The following CADM2 variants were observed in gnomAD, a reference collection of about 807,000 sequenced individuals.
CADM2 encodes the protein immunoglobulin superfamily member 4D.
In CADM2, 12 loss-of-function variants were observed where a neutral mutation model predicts 49.8. That is an observed-to-expected ratio of 0.24 (90% CI 0.15 to 0.39). The LOEUF is 0.39. Among genes scored for constraint, CADM2 ranks in the 10% least tolerant of loss-of-function variants. CADM2 has a pLI of 1.00. For missense variants in CADM2, 378 were observed against 492.3 expected (o/e 0.77, Z 2.20); for synonymous variants, 214 against 175.4 (o/e 1.22, Z -1.74).
intron 1 of CADM2, among the ~76,000 whole-genome samples, chr3:85,723,394 T>G (rs2067576786): frequency 6.6e-6 from 1 of 152,184 alleles, no homozygotes; most frequent in Admixed American, 6.5e-5. Flanking sequence ...ATGTGCACTT[T>G]ACAATTGACT....
chr3:86,060,981 CAAT>C (rs144216839), intron 8 of CADM2, among the ~76,000 whole-genome samples: 211 of 147,958 alleles, frequency 1.4e-3, no homozygotes, highest in South Asian at 3.2e-3. Flanking sequence ...GGCTATGTCT[CAAT>C]AATAATAATA....
intron 2 of CADM2, among the ~76,000 whole-genome samples, chr3:85,790,632 C>A (rs1055636365): frequency 1.3e-5 from 2 of 152,264 alleles, no homozygotes; most frequent in Admixed American, 1.3e-4. Context: ...GAGTTGGTAG[C>A]AGAATGGGCT....
chr3:85,478,997 A>G (rs921355111), intron 1 of CADM2, among the ~76,000 whole-genome samples: 4 of 151,800 alleles, frequency 2.6e-5, no homozygotes, highest in African/African-American at 9.7e-5. Flanking sequence ...CAGGCTGAGC[A>G]CATTGGTGTG....
intron 1 of CADM2, among the ~76,000 whole-genome samples, chr3:85,252,153 TG>T (rs1264731134): frequency 6.6e-6 from 1 of 152,028 alleles, no homozygotes; most frequent in Non-Finnish European, 1.5e-5. Flanking sequence ...TCTTTGTTTT[TG>T]TTCTTCTGAT....
chr3:86,036,680 T>C (rs1735203533), intron 8 of CADM2, among the ~76,000 whole-genome samples: 1 of 152,138 alleles, frequency 6.6e-6, no homozygotes, highest in Non-Finnish European at 1.5e-5. Context: ...ATAGTCAAGT[T>C]ACTCAGCCTC....
At chr3:85,181,738 T>G (rs974210041) in intron 1 of CADM2, among the ~76,000 whole-genome samples, 4 of 151,660 alleles carry the variant, frequency 2.6e-5, no homozygotes, top group Admixed American at 1.3e-4. Context: ...CACAGAGATT[T>G]TTTTCCCATT....
intron 1 of CADM2, among the ~76,000 whole-genome samples, chr3:85,063,999 A>G (rs957706517): frequency 6.6e-6 from 1 of 152,056 alleles, no homozygotes; most frequent in Non-Finnish European, 1.5e-5. Flanking sequence ...CTGCTTTTCT[A>G]CATCTCATGC....
chr3:85,416,578 A>G (rs539858112), intron 1 of CADM2, among the ~76,000 whole-genome samples: 9 of 152,284 alleles, frequency 5.9e-5, no homozygotes, highest in African/African-American at 2.2e-4. Context: ...TTTGTCCCTA[A>G]TGCCCCCACT....
intron 1 of CADM2, among the ~76,000 whole-genome samples, chr3:85,552,366 G>GTTTTTTT (rs36014885): frequency 3.4e-5 from 3 of 87,574 alleles, no homozygotes; most frequent in African/African-American, 4.6e-5. Context: ...ACTTTGAAAA[G>GTTTTTTT]TTTTTTTTTT....
chr3:85,945,093 G>A (rs1268609762), intron 7 of CADM2, among the ~76,000 whole-genome samples: 1 of 151,850 alleles, frequency 6.6e-6, no homozygotes, highest in Non-Finnish European at 1.5e-5. Context: ...TGATAAAGGG[G>A]ATATCACCAC....
At chr3:85,679,087 A>G (rs966930271) in intron 1 of CADM2, among the ~76,000 whole-genome samples, 1 of 152,218 alleles carries the variant, frequency 6.6e-6, no homozygotes, top group Non-Finnish European at 1.5e-5. Flanking sequence ...GAAGGCAGAT[A>G]TAAAATCAAT....
chr3:85,449,184 AT>A (rs34217400), intron 1 of CADM2, among the ~76,000 whole-genome samples: 12 of 149,886 alleles, frequency 8.0e-5, no homozygotes, highest in Admixed American at 2.7e-4. Context: ...TTTCATTTTA[AT>A]TTTTTTTTCA....
intron 1 of CADM2, among the ~76,000 whole-genome samples, chr3:85,448,028 T>C (rs2037551662): frequency 1.3e-5 from 2 of 151,982 alleles, no homozygotes; most frequent in African/African-American, 4.8e-5. Flanking sequence ...GATGGTTTAA[T>C]TGCACAAAAT....
At chr3:85,839,882 C>G (rs982821240) in intron 3 of CADM2, among the ~76,000 whole-genome samples, 1 of 151,772 alleles carries the variant, frequency 6.6e-6, no homozygotes, top group African/African-American at 2.4e-5. Context: ...TCTGAGAGTT[C>G]CGAATAATTA....
intron 7 of CADM2, among the ~76,000 whole-genome samples, chr3:85,941,174 A>C (rs1024381767): frequency 6.6e-6 from 1 of 152,122 alleles, no homozygotes; most frequent in Non-Finnish European, 1.5e-5. Flanking sequence ...ATAATACATC[A>C]TAACAATGAG....
At chr3:85,702,011 G>C (rs2066788977) in intron 1 of CADM2, among the ~76,000 whole-genome samples, 1 of 148,242 alleles carries the variant, frequency 6.7e-6, no homozygotes, top group Non-Finnish European at 1.5e-5. Flanking sequence ...TAGATAGATA[G>C]ATAGATAGTT....
chr3:86,024,564 T>C (rs1354033012), intron 8 of CADM2, among the ~76,000 whole-genome samples: 1 of 152,208 alleles, frequency 6.6e-6, no homozygotes, highest in African/African-American at 2.4e-5. Flanking sequence ...ATTATATATG[T>C]AATGCTCTGC....
intron 1 of CADM2, among the ~76,000 whole-genome samples, chr3:85,401,878 C>G (rs1400784637): frequency 6.6e-6 from 1 of 152,114 alleles, no homozygotes; most frequent in Non-Finnish European, 1.5e-5. Flanking sequence ...CAGTCACAAC[C>G]ACTGCAAGAT....
intron 1 of CADM2, among the ~76,000 whole-genome samples, chr3:85,381,878 C>T (rs2033928219): frequency 6.6e-6 from 1 of 151,978 alleles, no homozygotes; most frequent in Non-Finnish European, 1.5e-5. Context: ...GTGCAGGACA[C>T]ACTGACATGC....
Sources: allele counts gnomAD v4.1 joint callset (sites outside exome capture counted in the v4.1 genomes callset), GRCh38; gene constraint gnomAD v4.1.1; transcripts MANE v1.5; gene names NCBI Gene and HGNC (gene_info 2026-07-23, HGNC 2026-07-21).